CSRNP3: variants seen among roughly 807,000 people sequenced by gnomAD.
CSRNP3 encodes the protein cysteine and serine rich nuclear protein 3.
A neutral mutation model predicts 48.0 loss-of-function variants in CSRNP3; 12 were observed. The observed-to-expected ratio is 0.25, with a 90% CI of 0.16 to 0.41. CSRNP3 has a LOEUF of 0.41. CSRNP3 is among the 10% of genes least tolerant of loss of function. CSRNP3 has a pLI of 1.00. For missense variants in CSRNP3, 580 were observed against 724.4 expected (o/e 0.80, Z 2.29); for synonymous variants, 263 against 269.7 (o/e 0.98, Z 0.24).
At chr2:165,600,093 C>T (rs867069415) in intron 4 of CSRNP3, among the ~76,000 whole-genome samples, 2 of 139,792 alleles carry the variant, frequency 1.4e-5, no homozygotes, top group African/African-American at 5.4e-5. Flanking sequence ...CTCCCCCCAC[C>T]CCACAACAGT....
intron 3 of CSRNP3, among the ~76,000 whole-genome samples, chr2:165,534,629 A>G (rs1684857905): frequency 6.6e-6 from 1 of 151,922 alleles, no homozygotes; most frequent in African/African-American, 2.4e-5. Flanking sequence ...TTAATAAACT[A>G]TCATAAATTC....
At chr2:165,598,720 C>T (rs1685851267) in intron 4 of CSRNP3, among the ~76,000 whole-genome samples, 3 of 152,064 alleles carry the variant, frequency 2.0e-5, no homozygotes, top group Admixed American at 2.0e-4. Flanking sequence ...GTGGTAGTGG[C>T]AATGGTTAGT....
At chr2:165,614,042 T>C (rs1346686940) in intron 4 of CSRNP3, among the ~76,000 whole-genome samples, 1 of 152,138 alleles carries the variant, frequency 6.6e-6, no homozygotes, top group Non-Finnish European at 1.5e-5. Context: ...ATGGATGTCT[T>C]ACTATTTTTT....
At chr2:165,517,518 A>T (rs575544891) in intron 2 of CSRNP3, among the ~76,000 whole-genome samples, 1 of 152,066 alleles carries the variant, frequency 6.6e-6, no homozygotes, top group East Asian at 1.9e-4. Flanking sequence ...TGTTTTGAAG[A>T]TATGAATCTC....
Position 165,688,261 on chromosome 2 carries a change from A to G in CSRNP3, c.*8508A>G, listed in dbSNP as rs1687663141. 6.6e-6 allele frequency: 1 copy of G among 152,120 alleles called. No homozygotes were observed. Among genetic ancestry groups the G allele is most frequent in the South Asian group, 2.1e-4 (1 of 4,834 alleles). The allele number at this position is 152,120 out of a possible 1,614,324, so 9.4% of individuals were successfully genotyped here. On this transcript the variant is annotated 3_prime_UTR_variant, in exon 7 of 7. Coordinates refer to ENST00000651982, the MANE Select transcript of CSRNP3 (RefSeq NM_001172173.2). Reference sequence around the variant, plus strand: ...AAATAAAAATAAACCTGTAGATTACAGCTCTGTTCCTAAGAACCTCAGCCT... The same window carrying G: ...AAATAAAAATAAACCTGTAGATTACGGCTCTGTTCCTAAGAACCTCAGCCT...
At chr2:165,532,364 A>G (rs1289981196) in intron 3 of CSRNP3, among the ~76,000 whole-genome samples, 1 of 152,122 alleles carries the variant, frequency 6.6e-6, no homozygotes, top group African/African-American at 2.4e-5. Context: ...ATCCACCATG[A>G]TCAAGTGGGC....
chr2:165,476,275 A>T (rs1188341287), intron 1 of CSRNP3, among the ~76,000 whole-genome samples: 1 of 152,204 alleles, frequency 6.6e-6, no homozygotes, highest in African/African-American at 2.4e-5. Flanking sequence ...ACAATGCTGC[A>T]TAAGCTACAA....
chr2:165,490,877 A>T (rs533467157), intron 1 of CSRNP3, among the ~76,000 whole-genome samples: 1,599 of 130,810 alleles, frequency 0.012, 102 homozygotes, highest in African/African-American at 0.044. Context: ...ACCATTCAGG[A>T]CATAGGCGTG....
chr2:165,588,295 T>C (rs1685664007), intron 3 of CSRNP3, among the ~76,000 whole-genome samples: 1 of 152,208 alleles, frequency 6.6e-6, no homozygotes, highest in Non-Finnish European at 1.5e-5. Context: ...AGCTAGATTG[T>C]TAAGGACTTT....
chr2:165,637,757 A>G (rs1300786486), intron 4 of CSRNP3, among the ~76,000 whole-genome samples: 1 of 152,230 alleles, frequency 6.6e-6, no homozygotes, highest in African/African-American at 2.4e-5. Context: ...TTCTTAATGT[A>G]CAAAATGGAG....
intron 4 of CSRNP3, among the ~76,000 whole-genome samples, chr2:165,598,455 TA>T (rs1229200494): frequency 6.6e-6 from 1 of 152,236 alleles, no homozygotes; most frequent in East Asian, 1.9e-4. Context: ...TTATTTCTGT[TA>T]ATTTTATATG....
rs1031560355 is a variant in CSRNP3, at chr2:165,634,359, A to G, written c.149-23402A>G. ...CTGTCCAAAAAAAGAAAAAAAACAC[A>G]CACAGAAAAACATTATTTGAAAAAC... On this transcript the variant is annotated intron_variant, in intron 4 of 6. Coordinates refer to ENST00000651982, the MANE Select transcript of CSRNP3 (RefSeq NM_001172173.2). Among the ~76,000 whole-genome samples the G allele has an allele frequency of 5.3e-5, 8 of 152,142 alleles. No homozygotes were observed. The East Asian group carries it at 5.8e-4, about 11-fold the overall frequency.
At chr2:165,538,441 G>A (rs1451134076) in intron 3 of CSRNP3, among the ~76,000 whole-genome samples, 4 of 151,644 alleles carry the variant, frequency 2.6e-5, no homozygotes, top group East Asian at 1.9e-4. Context: ...CTCCTTTCCC[G>A]TATACTTCAT....
intron 4 of CSRNP3, among the ~76,000 whole-genome samples, chr2:165,645,222 T>G (rs1686790890): frequency 6.6e-6 from 1 of 152,076 alleles, no homozygotes; most frequent in South Asian, 2.1e-4. Flanking sequence ...TAATCCCAGC[T>G]TCTTGGAAGG....
chr2:165,661,253 T>C (rs1226490624), intron 5 of CSRNP3, among the ~76,000 whole-genome samples: 4 of 152,204 alleles, frequency 2.6e-5, no homozygotes, highest in African/African-American at 9.6e-5. Flanking sequence ...CAATTTGCAG[T>C]GGAATTATCT....
At chr2:165,609,059 A>T (rs1231987223) in intron 4 of CSRNP3, among the ~76,000 whole-genome samples, 1 of 149,968 alleles carries the variant, frequency 6.7e-6, no homozygotes, top group Non-Finnish European at 1.5e-5. Flanking sequence ...GTGAGCTGAG[A>T]TGGCGCCACT....
At chr2:165,584,898 A>C (rs1460943599) in intron 3 of CSRNP3, among the ~76,000 whole-genome samples, 3 of 152,202 alleles carry the variant, frequency 2.0e-5, no homozygotes, top group Non-Finnish European at 4.4e-5. Flanking sequence ...GAGCTAAAAC[A>C]AAAAACAAAA....
chr2:165,617,568 T>C (rs1205819828), intron 4 of CSRNP3, among the ~76,000 whole-genome samples: 3 of 152,126 alleles, frequency 2.0e-5, no homozygotes, highest in African/African-American at 7.2e-5. Flanking sequence ...CTGGCTGTGG[T>C]GATGATGGGC....
At chr2:165,480,692 A>G (rs981291061) in intron 1 of CSRNP3, among the ~76,000 whole-genome samples, 2 of 151,118 alleles carry the variant, frequency 1.3e-5, no homozygotes, top group African/African-American at 4.9e-5. Context: ...GGAAGACTCA[A>G]TATTTCCACT....
Sources: allele counts gnomAD v4.1 joint callset (sites outside exome capture counted in the v4.1 genomes callset), GRCh38; gene constraint gnomAD v4.1.1; transcripts MANE v1.5; gene names NCBI Gene and HGNC (gene_info 2026-07-23, HGNC 2026-07-21).